Variants in HEXA observed in about 807,000 individuals in gnomAD.
The protein encoded by HEXA is beta-hexosaminidase subunit alpha.
Under a neutral mutation model 73.3 loss-of-function variants are expected in HEXA, and 54 were observed. The observed-to-expected ratio is 0.74, with a 90% CI of 0.59 to 0.92. The LOEUF (loss-of-function observed/expected upper bound fraction) is 0.92. HEXA is among the 40% of genes least tolerant of loss of function. The probability of loss-of-function intolerance (pLI) is 0.00; values close to 1 mark genes in which losing one functional copy is unlikely to be tolerated. For missense variants in HEXA, 649 were observed against 653.0 expected (o/e 0.99, Z 0.07); for synonymous variants, 230 against 246.9 (o/e 0.93, Z 0.64).
chr15:72,348,971 T>C, intron 8 of HEXA, 108 bp downstream of exon 8: 1 of 899,124 alleles, frequency 1.1e-6, no homozygotes, highest in South Asian at 1.3e-5. Context: ...TGTGAGCCCA[T>C]ACAGACCCCT....
At chr15:72,344,320 T>C (rs778214268) in intron 13 of HEXA, among the ~76,000 whole-genome samples, 180 bp from the exon 14 acceptor site, 42 of 152,284 alleles carry the variant, frequency 2.8e-4, no homozygotes, top group Middle Eastern at 6.8e-3. Flanking sequence ...GGGCAAAGTA[T>C]TGGCAAGAAT....
chr15:72,375,272 T>A (rs940596676), intron 1 of HEXA, among the ~76,000 whole-genome samples: 2 of 152,100 alleles, frequency 1.3e-5, no homozygotes, highest in African/African-American at 4.8e-5. Context: ...GTGTTTTTGG[T>A]AGAGACGGGG....
In HEXA at chr15:72,356,621, G is replaced by T; in HGVS notation, c.254-4C>A. 1 of 1,614,014 alleles carries T rather than the reference G, an allele frequency of 6.2e-7. No individual in the cohort carries two copies. Among genetic ancestry groups the T allele is most frequent in the Non-Finnish European group, 8.5e-7 (1 of 1,179,992 alleles). On this transcript the variant is annotated splice_polypyrimidine_tract_variant and splice_region_variant and intron_variant, in intron 1 of 13. Coordinates refer to ENST00000268097, the MANE Select transcript of HEXA (RefSeq NM_000520.6). ...TTCTCCAGTGTATGCCGTTTCCCTAGGAAGACAGGGTAAGCTTGGTGCGGC... is the reference window on the plus strand; with the variant it reads ...TTCTCCAGTGTATGCCGTTTCCCTATGAAGACAGGGTAAGCTTGGTGCGGC...
At chr15:72,345,912 G>A (rs536095478) in intron 12 of HEXA, 82 of 529,202 alleles carry the variant, frequency 1.5e-4, no homozygotes, top group African/African-American at 1.4e-3. Context: ...AACAGCAGAG[G>A]GAAGCCTTAT....
chr15:72,347,100 A>C (rs1484668904), intron 10 of HEXA, among the ~76,000 whole-genome samples: 2 of 151,160 alleles, frequency 1.3e-5, no homozygotes. Context: ...CTTACTGATC[A>C]ACAATAAAGG....
Position 72,349,279 on chromosome 15 carries a change from C to T in HEXA, c.806-20G>A. On this transcript the variant is annotated intron_variant, in intron 7 of 13. Coordinates refer to ENST00000268097, the MANE Select transcript of HEXA (RefSeq NM_000520.6). The stretch of plus-strand genomic sequence containing the variant: ...GGATACCTAAGCCAAGAGAAAACCC[C>T]ATATGAGTGTCACAAATACATAAAC... 1 of 1,602,762 alleles carries T rather than the reference C, an allele frequency of 6.2e-7. No individual in the cohort carries two copies. The highest frequency in any genetic ancestry group is 8.5e-7 in the Non-Finnish European group (1 of 1,170,218).
At chr15:72,366,263 C>G (rs2088914622) in intron 1 of HEXA, among the ~76,000 whole-genome samples, 1 of 152,092 alleles carries the variant, frequency 6.6e-6, no homozygotes, top group African/African-American at 2.4e-5. Context: ...CTTCAGCTCT[C>G]CTTGTTACAA....
intron 10 of HEXA, among the ~76,000 whole-genome samples, 160 bp downstream of exon 10, chr15:72,347,526 C>T (rs943473225): frequency 6.6e-6 from 1 of 152,204 alleles, no homozygotes; most frequent in Admixed American, 6.5e-5. Context: ...AGCCACTGCA[C>T]CCAGCACTCT....
intron 1 of HEXA, among the ~76,000 whole-genome samples, chr15:72,375,502 C>T (rs564993107): frequency 1.3e-5 from 2 of 152,226 alleles, no homozygotes; most frequent in Non-Finnish European, 2.9e-5. Context: ...TAGATTTCTG[C>T]TGGCACAGTA....
At chr15:72,346,438 T>C in intron 11 of HEXA, 89 bp downstream of exon 11, 1 of 1,519,656 alleles carries the variant, frequency 6.6e-7, no homozygotes, top group East Asian at 2.3e-5. Flanking sequence ...ATTTACTAAC[T>C]GGAAATGTCT....
At chr15:72,372,203 G>A (rs1337304324) in intron 1 of HEXA, among the ~76,000 whole-genome samples, 1 of 152,040 alleles carries the variant, frequency 6.6e-6, no homozygotes, top group African/African-American at 2.4e-5. Flanking sequence ...TAAAAAATTA[G>A]CCAGGCATGG....
chr15:72,344,809 C>T (rs12904378), intron 13 of HEXA, among the ~76,000 whole-genome samples: 2,166 of 152,270 alleles, frequency 0.014, 35 homozygotes, highest in East Asian at 0.055. Context: ...ACCTAGCCAA[C>T]GAAGGAATCA....
chr15:72,346,395 C>T lies in HEXA; in HGVS notation c.1331-70G>A, dbSNP rs1232468003. Reference sequence around the variant, plus strand: ...TCCAGGGTCCCTCTCAACCACCTTCCCAATGTGGCCCTCACCCCAGCTAAG... The same window carrying T: ...TCCAGGGTCCCTCTCAACCACCTTCTCAATGTGGCCCTCACCCCAGCTAAG... On this transcript the variant is annotated intron_variant, in intron 11 of 13. Transcript: ENST00000268097. The T allele has an allele frequency of 2.5e-5, 37 of 1,482,530 alleles. No individual in the cohort carries two copies. In the Admixed American group the frequency reaches 6.0e-4, roughly 24 times the overall value. The allele number at this position is 1,482,530 out of a possible 1,614,324, so 91.8% of individuals were successfully genotyped here.
Position 72,346,526 on chromosome 15 carries a change from C to T in HEXA, c.1330+1G>A, listed in dbSNP as rs767041069. The T allele has an allele frequency of 1.2e-6, 2 of 1,613,806 alleles. No homozygotes were observed. Among genetic ancestry groups the T allele is most frequent in the Admixed American group, 3.3e-5 (2 of 60,030 alleles). ...TAGCAAGGAGAGCTCTCTGCTTTCA[C>T]CTTCAAATGCCAGGGGTTCCACTAT... is the stretch of plus-strand genomic sequence containing the variant. On this transcript the variant is annotated splice_donor_variant, in intron 11 of 13. Coordinates refer to ENST00000268097, the MANE Select transcript of HEXA (RefSeq NM_000520.6). LOFTEE classifies it high-confidence loss of function.
intron 10 of HEXA, among the ~76,000 whole-genome samples, chr15:72,347,379 C>T (rs1183568780): frequency 6.6e-6 from 1 of 151,108 alleles, no homozygotes. Context: ...TCAAGCAGTA[C>T]CCCAACCTCA....
At chr15:72,368,756 T>C (rs924003168) in intron 1 of HEXA, among the ~76,000 whole-genome samples, 2 of 152,114 alleles carry the variant, frequency 1.3e-5, no homozygotes, top group Non-Finnish European at 2.9e-5. Flanking sequence ...CACTTCAAAA[T>C]ACAAGAGGGA....
At chr15:72,361,395 CTTCTCT>C (rs2088851795) in intron 1 of HEXA, among the ~76,000 whole-genome samples, 1 of 152,188 alleles carries the variant, frequency 6.6e-6, no homozygotes, top group East Asian at 1.9e-4. Flanking sequence ...AGGTTCCAAA[CTTCTCT>C]TTTTCCCTTC....
Position 72,375,703 on chromosome 15 carries a change from G to T in HEXA, c.253+17C>A. 4 of 1,613,944 alleles carry T rather than the reference G, an allele frequency of 2.5e-6. No individual in the cohort carries two copies. Among genetic ancestry groups the T allele is most frequent in the Non-Finnish European group, 3.4e-6 (4 of 1,179,966 alleles). On this transcript the variant is annotated intron_variant, in intron 1 of 13. Transcript: ENST00000268097. ...ACTCTCAGGGCCCAGGAACAGGGCGGGACAAGTCCGACTCACCTGTGAGGT... is the reference window on the plus strand; with the variant it reads ...ACTCTCAGGGCCCAGGAACAGGGCGTGACAAGTCCGACTCACCTGTGAGGT...
intron 7 of HEXA, among the ~76,000 whole-genome samples, chr15:72,349,488 C>T (rs1459056179): frequency 6.6e-6 from 1 of 152,220 alleles, no homozygotes; most frequent in Non-Finnish European, 1.5e-5. Flanking sequence ...TAAGTTCCAG[C>T]CAGACAACTG....
Sources: allele counts gnomAD v4.1 joint callset (sites outside exome capture counted in the v4.1 genomes callset), GRCh38; gene constraint gnomAD v4.1.1; transcripts MANE v1.5; gene names NCBI Gene and HGNC (gene_info 2026-07-23, HGNC 2026-07-21).